The following KCNIP4 variants were observed in gnomAD, a reference collection of about 807,000 sequenced individuals.
The protein encoded by KCNIP4 is potassium voltage-gated channel interacting protein 4, also known as Kv channel-interacting protein 4.
KCNIP4 carries 12 observed loss-of-function variants against 34.0 expected under a neutral mutation model. The observed-to-expected ratio is 0.35, with a 90% confidence interval of 0.23 to 0.57. The LOEUF (loss-of-function observed/expected upper bound fraction) is 0.57. Among genes scored for constraint, KCNIP4 ranks in the 20% least tolerant of loss-of-function variants. The probability of loss-of-function intolerance (pLI) is 0.83; values close to 1 mark genes in which losing one functional copy is unlikely to be tolerated. For missense variants in KCNIP4, 238 were observed against 311.7 expected (o/e 0.76, Z 1.78); for synonymous variants, 124 against 102.2 (o/e 1.21, Z -1.29).
intron 1 of KCNIP4, among the ~76,000 whole-genome samples, chr4:21,302,617 T>C (rs904707356): frequency 3.9e-5 from 6 of 152,192 alleles, no homozygotes; most frequent in African/African-American, 1.4e-4. Context: ...CTACAGATAT[T>C]TCCATCAGAG....
At chr4:21,399,793 T>A (rs1036568483) in intron 1 of KCNIP4, among the ~76,000 whole-genome samples, 1 of 151,982 alleles carries the variant, frequency 6.6e-6, no homozygotes, top group Non-Finnish European at 1.5e-5. Flanking sequence ...AGTAGCGGTA[T>A]AAACATTTCC....
chr4:21,304,079 G>GAC (rs1560272629), intron 1 of KCNIP4: 5 of 242,104 alleles, frequency 2.1e-5, no homozygotes, highest in Admixed American at 1.1e-4. Context: ...CAGAGAGAGA[G>GAC]AGAGAGACAG....
At chr4:21,438,783 T>C (rs1727182176) in intron 1 of KCNIP4, among the ~76,000 whole-genome samples, 2 of 152,174 alleles carry the variant, frequency 1.3e-5, no homozygotes, top group African/African-American at 4.8e-5. Context: ...GGTTATAACT[T>C]AGGCAACATT....
intron 1 of KCNIP4, among the ~76,000 whole-genome samples, chr4:21,013,135 G>A (rs532936206): frequency 6.6e-6 from 1 of 152,292 alleles, no homozygotes; most frequent in Non-Finnish European, 1.5e-5. Flanking sequence ...GCAGGAAAGG[G>A]TCTAAACAGA....
chr4:21,504,480 AAAGAAAG>A (rs1560466976), intron 1 of KCNIP4, among the ~76,000 whole-genome samples: 1,163 of 98,078 alleles, frequency 0.012, 48 homozygotes, highest in African/African-American at 0.059. Flanking sequence ...AAAAAAAAAG[AAAGAAAG>A]AAAGAAAGAA....
At chr4:20,898,905 C>A (rs1413531510) in intron 1 of KCNIP4, among the ~76,000 whole-genome samples, 1 of 152,164 alleles carries the variant, frequency 6.6e-6, no homozygotes, top group Non-Finnish European at 1.5e-5. Context: ...TTAACAACAA[C>A]TTTGCAAGCT....
chr4:21,833,537 A>G (rs1723128155), intron 1 of KCNIP4, among the ~76,000 whole-genome samples: 2 of 152,024 alleles, frequency 1.3e-5, no homozygotes, highest in Admixed American at 6.6e-5. Context: ...CCCATTTTGT[A>G]GGTTGCCTGT....
At chr4:21,309,126 T>A (rs1712832066) in intron 1 of KCNIP4, among the ~76,000 whole-genome samples, 1 of 152,174 alleles carries the variant, frequency 6.6e-6, no homozygotes, top group Non-Finnish European at 1.5e-5. Context: ...GAAAGATTAG[T>A]TTGCCCTTTG....
intron 1 of KCNIP4, among the ~76,000 whole-genome samples, chr4:21,861,154 G>T (rs1210642171): frequency 6.6e-6 from 1 of 152,136 alleles, no homozygotes; most frequent in Non-Finnish European, 1.5e-5. Context: ...GCTCATTCTA[G>T]CAAGGCTTTT....
At chr4:21,632,077 T>C (rs769575276) in intron 1 of KCNIP4, among the ~76,000 whole-genome samples, 13 of 152,204 alleles carry the variant, frequency 8.5e-5, no homozygotes, top group Non-Finnish European at 1.9e-4. Context: ...TTTTACCTTT[T>C]TTTCCTTTTT....
chr4:20,937,384 G>A (rs935831175), intron 1 of KCNIP4, among the ~76,000 whole-genome samples: 4 of 151,388 alleles, frequency 2.6e-5, no homozygotes, highest in South Asian at 2.1e-4. Context: ...ATAGGCGCCC[G>A]TCACCATGCC....
chr4:20,774,372 C>T (rs906237259), intron 3 of KCNIP4, among the ~76,000 whole-genome samples: 1 of 152,044 alleles, frequency 6.6e-6, no homozygotes, highest in African/African-American at 2.4e-5. Context: ...CTAACAGCCC[C>T]TTCCTTATGA....
At chr4:20,984,131 G>C in intron 1 of KCNIP4, 1 of 698,464 alleles carries the variant, frequency 1.4e-6, no homozygotes, top group East Asian at 3.0e-5. Flanking sequence ...GCTGATCCTG[G>C]CATTTGGCTG....
chr4:21,194,111 T>C (rs1039251290), intron 1 of KCNIP4, among the ~76,000 whole-genome samples: 1 of 152,190 alleles, frequency 6.6e-6, no homozygotes, highest in African/African-American at 2.4e-5. Flanking sequence ...CTTTATCAAG[T>C]GGGTTTTGTT....
At chr4:21,554,138 G>A (rs756587409) in intron 1 of KCNIP4, among the ~76,000 whole-genome samples, 3 of 152,174 alleles carry the variant, frequency 2.0e-5, no homozygotes, top group Non-Finnish European at 4.4e-5. Flanking sequence ...GTCAGTAAAG[G>A]CCTCCTGAAG....
At chr4:21,443,790 G>A (rs1727703777) in intron 1 of KCNIP4, among the ~76,000 whole-genome samples, 1 of 152,090 alleles carries the variant, frequency 6.6e-6, no homozygotes, top group African/African-American at 2.4e-5. Flanking sequence ...AAGATTAGCT[G>A]GGCATAGTCA....
Position 20,917,763 on chromosome 4 carries a change from C to T in KCNIP4, c.62-35054G>A, listed in dbSNP as rs114739347. Among the ~76,000 whole-genome samples the T allele has an allele frequency of 3.9e-3, 597 of 152,166 alleles. 6 individuals carry two copies. Among genetic ancestry groups the T allele is most frequent in the African/African-American group, 0.014 (564 of 41,540 alleles). ...ATCCCAGCACTTTGGGAGGCAGAGG[C>T]TGCAATGCCTGTATCAGGAGGCAGA... is the stretch of plus-strand genomic sequence containing the variant. On this transcript the variant is annotated intron_variant, in intron 1 of 8. Coordinates refer to ENST00000382152, the MANE Select transcript of KCNIP4 (RefSeq NM_025221.6).
At chr4:20,891,752 T>C (rs982710711) in intron 1 of KCNIP4, among the ~76,000 whole-genome samples, 1 of 152,168 alleles carries the variant, frequency 6.6e-6, no homozygotes, top group Non-Finnish European at 1.5e-5. Context: ...TAGTTGCAAA[T>C]ATGAACTTAT....
intron 2 of KCNIP4, among the ~76,000 whole-genome samples, chr4:20,877,881 C>T (rs1408053826): frequency 6.6e-6 from 1 of 151,954 alleles, no homozygotes; most frequent in Non-Finnish European, 1.5e-5. Context: ...ATCATTATAA[C>T]CTTTTCAGGC....
Sources: gnomAD v4.1 joint callset for allele counts (sites outside exome capture counted in the v4.1 genomes callset) on GRCh38, gnomAD v4.1.1 for gene constraint, MANE v1.5 for transcripts, NCBI Gene and HGNC (gene_info 2026-07-23, HGNC 2026-07-21) for gene names.